The following GPR39 variants were observed in gnomAD, a reference collection of about 807,000 sequenced individuals.
The protein encoded by GPR39 is G protein-coupled receptor 39.
GPR39 carries 23 observed loss-of-function variants against 18.4 expected under a neutral mutation model. The ratio of observed to expected loss-of-function variants is 1.25; its 90% CI spans 0.90 to 1.77. The LOEUF (loss-of-function observed/expected upper bound fraction) is 1.77, where lower values mean the gene tolerates loss of function less well. Ranked by LOEUF, GPR39 falls within the 40% of genes most tolerant of loss-of-function variation. The probability of loss-of-function intolerance (pLI) is 0.00; values close to 1 mark genes in which losing one functional copy is unlikely to be tolerated. For synonymous variants in GPR39, 280 were observed against 257.9 expected (o/e 1.09, Z -0.82); for missense variants, 647 against 602.4 (o/e 1.07, Z -0.78).
At chr2:132,546,678 A>G (rs1679954687) in intron 1 of GPR39, among the ~76,000 whole-genome samples, 2 of 151,512 alleles carry the variant, frequency 1.3e-5, no homozygotes, top group African/African-American at 2.4e-5. Context: ...GAGTCTGCCT[A>G]TAAAATAGAA....
chr2:132,489,420 G>T (rs1341936635), intron 1 of GPR39, among the ~76,000 whole-genome samples: 1 of 152,088 alleles, frequency 6.6e-6, no homozygotes, highest in East Asian at 1.9e-4. Flanking sequence ...CTGTGACTGG[G>T]GCTGGCGGCA....
chr2:132,645,004 C>T (rs1407598436), intron 1 of GPR39, 97 bp from the exon 2 acceptor site: 2 of 1,401,774 alleles, frequency 1.4e-6, no homozygotes, highest in African/African-American at 1.4e-5. Context: ...AAGCACAGAA[C>T]AGAGGGGCTA....
At chr2:132,609,198 A>T (rs553124110) in intron 1 of GPR39, among the ~76,000 whole-genome samples, 18 of 152,288 alleles carry the variant, frequency 1.2e-4, no homozygotes, top group African/African-American at 4.1e-4. Context: ...CTGCCAGATG[A>T]TAAGAATGGG....
chr2:132,555,316 C>G (rs1371085824), intron 1 of GPR39, among the ~76,000 whole-genome samples: 1 of 152,158 alleles, frequency 6.6e-6, no homozygotes, highest in Non-Finnish European at 1.5e-5. Flanking sequence ...AGTGCCTTAA[C>G]TCTAACAGTT....
chr2:132,574,387 A>G (rs1386763285), intron 1 of GPR39, among the ~76,000 whole-genome samples: 1 of 152,188 alleles, frequency 6.6e-6, no homozygotes, highest in African/African-American at 2.4e-5. Context: ...AATTCTCTTT[A>G]TGCTCTTCAC....
chr2:132,640,782 A>G (rs1681843600), intron 1 of GPR39, among the ~76,000 whole-genome samples: 1 of 152,248 alleles, frequency 6.6e-6, no homozygotes, highest in Non-Finnish European at 1.5e-5. Flanking sequence ...AGCCAATCGC[A>G]AACAGCCAGA....
intron 1 of GPR39, chr2:132,644,805 C>T (rs1681962989): frequency 8.4e-6 from 3 of 357,282 alleles, no homozygotes; most frequent in Non-Finnish European, 1.0e-5. Flanking sequence ...CAAACAAACA[C>T]CAATGAAAAC....
intron 1 of GPR39, among the ~76,000 whole-genome samples, chr2:132,491,449 G>A (rs1343632045): frequency 6.6e-6 from 1 of 151,982 alleles, no homozygotes; most frequent in Non-Finnish European, 1.5e-5. Context: ...CTTGATGATA[G>A]GAACCACATT....
intron 1 of GPR39, among the ~76,000 whole-genome samples, chr2:132,631,544 A>G (rs1452727426): frequency 6.6e-6 from 1 of 152,114 alleles, no homozygotes; most frequent in Non-Finnish European, 1.5e-5. Context: ...TCTAATTCAA[A>G]CACAGTGTGA....
At chr2:132,546,054 A>G (rs1679942965) in intron 1 of GPR39, among the ~76,000 whole-genome samples, 1 of 152,228 alleles carries the variant, frequency 6.6e-6, no homozygotes, top group South Asian at 2.1e-4. Flanking sequence ...AGAATAGTTT[A>G]TCAGGCTTCT....
intron 1 of GPR39, among the ~76,000 whole-genome samples, chr2:132,432,136 T>A (rs552366369): frequency 6.6e-6 from 1 of 152,168 alleles, no homozygotes; most frequent in Non-Finnish European, 1.5e-5. Context: ...CGAAATACCA[T>A]AAACTGGGTG....
At chr2:132,544,527 G>T (rs1343697661) in intron 1 of GPR39, among the ~76,000 whole-genome samples, 1 of 152,154 alleles carries the variant, frequency 6.6e-6, no homozygotes, top group Non-Finnish European at 1.5e-5. Context: ...AGATGTCCAT[G>T]CCCCTGCCCA....
At chr2:132,512,869 TAG>T (rs2104759937) in intron 1 of GPR39, among the ~76,000 whole-genome samples, 1 of 152,350 alleles carries the variant, frequency 6.6e-6, no homozygotes, top group Non-Finnish European at 1.5e-5. Flanking sequence ...CTGGGAAACT[TAG>T]ACTTTCCAAT....
intron 1 of GPR39, among the ~76,000 whole-genome samples, chr2:132,639,054 G>A (rs1681815148): frequency 6.7e-6 from 1 of 150,054 alleles, no homozygotes; most frequent in Admixed American, 6.6e-5. Context: ...GTTCTTGCCT[G>A]TGGGAATGTT....
intron 1 of GPR39, among the ~76,000 whole-genome samples, chr2:132,445,239 A>G (rs1680513555): frequency 6.6e-6 from 1 of 152,092 alleles, no homozygotes; most frequent in South Asian, 2.1e-4. Flanking sequence ...TACATTGTAT[A>G]TTTTTCTATG....
chr2:132,571,263 G>C (rs1680437107), intron 1 of GPR39, among the ~76,000 whole-genome samples: 1 of 152,318 alleles, frequency 6.6e-6, no homozygotes, highest in South Asian at 2.1e-4. Context: ...CTGAGCATAA[G>C]AGGTATCTTT....
At chr2:132,571,336 T>C (rs1264387671) in intron 1 of GPR39, among the ~76,000 whole-genome samples, 2 of 152,160 alleles carry the variant, frequency 1.3e-5, no homozygotes, top group East Asian at 3.8e-4. Flanking sequence ...ATGGTTAGAT[T>C]AATATCATTC....
chr2:132,455,375 C>G (rs564950069), intron 1 of GPR39, among the ~76,000 whole-genome samples: 1 of 151,998 alleles, frequency 6.6e-6, no homozygotes, highest in Non-Finnish European at 1.5e-5. Context: ...TCTCTCTTTT[C>G]TTCTTTATTA....
chr2:132,481,070 C>T (rs940458702), intron 1 of GPR39, among the ~76,000 whole-genome samples: 2 of 152,140 alleles, frequency 1.3e-5, no homozygotes, highest in Non-Finnish European at 2.9e-5. Flanking sequence ...AATTTTTTAT[C>T]CTTTTTCATT....
Sources: gnomAD v4.1 joint callset for allele counts (sites outside exome capture counted in the v4.1 genomes callset) on GRCh38, gnomAD v4.1.1 for gene constraint, MANE v1.5 for transcripts, NCBI Gene and HGNC (gene_info 2026-07-23, HGNC 2026-07-21) for gene names.